The following SCOC variants were observed in gnomAD, a reference collection of about 807,000 sequenced individuals.
The protein encoded by SCOC is short coiled-coil protein.
A neutral mutation model predicts 9.9 loss-of-function variants in SCOC; 7 were observed. The observed-to-expected ratio is 0.71, with a 90% confidence interval of 0.40 to 1.33. The LOEUF (loss-of-function observed/expected upper bound fraction) is 1.33. SCOC is among the 40% of genes most tolerant of loss of function. The probability of loss-of-function intolerance (pLI) is 0.01; values close to 1 mark genes in which losing one functional copy is unlikely to be tolerated. For missense variants in SCOC, 66 were observed against 89.7 expected (o/e 0.74, Z 1.07); for synonymous variants, 19 against 28.2 (o/e 0.67, Z 1.03).
intron 2 of SCOC, among the ~76,000 whole-genome samples, chr4:140,355,222 T>TATATATG (rs1553940399): frequency 9.3e-4 from 31 of 33,336 alleles, no homozygotes; most frequent in African/African-American, 1.9e-3. Context: ...TATATATATA[T>TATATATG]ATATATATAT....
intron 1 of SCOC, among the ~76,000 whole-genome samples, chr4:140,265,101 T>A (rs1391614182): frequency 2.0e-5 from 3 of 152,212 alleles, no homozygotes; most frequent in African/African-American, 2.4e-5. Flanking sequence ...TTGTGTTGAT[T>A]TCTTCTTGAA....
rs1379206073 is a variant in SCOC, at chr4:140,373,667, G to A, written c.-101G>A. ...CGGGGTCAGTTGGTCCAAGTGTCCC[G>A]GCCTGAGGTGTCGGCCGGATCCCTC... On this transcript the variant is annotated 5_prime_UTR_variant, in exon 1 of 4. Coordinates refer to ENST00000608372, the MANE Select transcript of SCOC (RefSeq NM_001153484.2). 1.9e-6 allele frequency: 3 copies of A among 1,551,226 alleles called. No individual in the cohort carries two copies. The highest frequency in any genetic ancestry group is 1.2e-5 in the South Asian group (1 of 84,044).
rs548458568 is a variant in SCOC, at chr4:140,348,207, A to T, written c.70+4499A>T. On this transcript the variant is annotated intron_variant, in intron 2 of 4. Coordinates refer to the SCOC transcript ENST00000338517. ...TCTTTGAAATATTTAAGTATACAAT[A>T]TATTGTTTTTAACTATAGTTGCCGT... 5.9e-5 allele frequency among the ~76,000 whole-genome samples: 9 copies of T among 152,254 alleles called. No homozygotes were observed. In the South Asian group the frequency reaches 1.2e-3, roughly 21 times the overall value.
At position 140,385,645 on chromosome 4, in the gene SCOC, G is replaced by A. The variant is rs1728670076; in HGVS notation, c.*4541G>A. 1 of 152,080 alleles carries A rather than the reference G, an allele frequency of 6.6e-6. No individual in the cohort carries two copies. The highest frequency in any genetic ancestry group is 1.5e-5 in the Non-Finnish European group (1 of 68,026). The allele number at this position is 152,080 out of a possible 1,614,324, so 9.4% of individuals were successfully genotyped here. ...AATTATAAAATCTAAAATTAATTTT[G>A]TGGTCCAAAGAAAAGCAAAATAGAT... On this transcript the variant is annotated 3_prime_UTR_variant, in exon 4 of 4. Coordinates refer to ENST00000608372, the MANE Select transcript of SCOC (RefSeq NM_001153484.2).
intron 1 of SCOC, among the ~76,000 whole-genome samples, chr4:140,287,757 C>G (rs1731338500): frequency 6.6e-6 from 1 of 152,064 alleles, no homozygotes; most frequent in Admixed American, 6.5e-5. Flanking sequence ...ACAAACCACA[C>G]TCATGTGCAT....
At chr4:140,367,128 C>T (rs1727837158) in intron 2 of SCOC, among the ~76,000 whole-genome samples, 1 of 151,922 alleles carries the variant, frequency 6.6e-6, no homozygotes, top group Non-Finnish European at 1.5e-5. Context: ...TCACTTGAAC[C>T]TGGGAGGTGC....
At chr4:140,376,317 AT>A (rs1728341063) in intron 1 of SCOC, 1 of 152,352 alleles carries the variant, frequency 6.6e-6, no homozygotes, top group East Asian at 1.9e-4. Flanking sequence ...CAATAGTAGC[AT>A]TTTGAGATGG....
At chr4:140,327,836 G>A (rs1732693488) in intron 1 of SCOC, among the ~76,000 whole-genome samples, 1 of 152,082 alleles carries the variant, frequency 6.6e-6, no homozygotes, top group African/African-American at 2.4e-5. Context: ...GGCAAGTTTG[G>A]GGCTGGACTA....
At chr4:140,267,361 G>A (rs958312427) in intron 1 of SCOC, among the ~76,000 whole-genome samples, 4 of 152,184 alleles carry the variant, frequency 2.6e-5, no homozygotes, top group Admixed American at 6.5e-5. Context: ...ACGTGAGCTA[G>A]GGGTGGATGT....
At chr4:140,313,376 T>TG in intron 1 of SCOC, among the ~76,000 whole-genome samples, 3 of 152,180 alleles carry the variant, frequency 2.0e-5, no homozygotes, top group Non-Finnish European at 4.4e-5. Context: ...CTCAGCCTCC[T>TG]GAGGAACTGG....
intron 1 of SCOC, among the ~76,000 whole-genome samples, chr4:140,300,543 T>C (rs1731783924): frequency 6.6e-6 from 1 of 152,188 alleles, no homozygotes; most frequent in Non-Finnish European, 1.5e-5. Flanking sequence ...AGAACAGCAC[T>C]GGAGAGAAAG....
chr4:140,326,789 A>G (rs1732662781), intron 1 of SCOC, among the ~76,000 whole-genome samples: 1 of 152,224 alleles, frequency 6.6e-6, no homozygotes, highest in African/African-American at 2.4e-5. Context: ...CTAGGAGACC[A>G]TAACAAAATT....
intron 1 of SCOC, among the ~76,000 whole-genome samples, chr4:140,280,560 T>TC (rs1354278124): frequency 1.3e-5 from 2 of 152,216 alleles, no homozygotes; most frequent in African/African-American, 4.8e-5. Context: ...TACAGAGCAG[T>TC]CCCTCAGTCA....
At chr4:140,345,550 TA>T (rs1726698986) in intron 2 of SCOC, among the ~76,000 whole-genome samples, 1 of 152,182 alleles carries the variant, frequency 6.6e-6, no homozygotes, top group Non-Finnish European at 1.5e-5. Flanking sequence ...CTTTGATAAC[TA>T]AAAATAGGAA....
At chr4:140,344,780 AG>A (rs2126514611) in intron 2 of SCOC, among the ~76,000 whole-genome samples, 1 of 152,346 alleles carries the variant, frequency 6.6e-6, no homozygotes, top group African/African-American at 2.4e-5. Flanking sequence ...AAACAAAGAC[AG>A]GGGAAACCCA....
At chr4:140,328,294 G>A (rs1732710181) in intron 1 of SCOC, among the ~76,000 whole-genome samples, 1 of 152,128 alleles carries the variant, frequency 6.6e-6, no homozygotes, top group Non-Finnish European at 1.5e-5. Flanking sequence ...CCACAGTCCT[G>A]AGCATACAAC....
At chr4:140,278,068 C>A (rs1306681193) in intron 1 of SCOC, among the ~76,000 whole-genome samples, 1 of 152,164 alleles carries the variant, frequency 6.6e-6, no homozygotes, top group Admixed American at 6.5e-5. Flanking sequence ...GTATAGTTGG[C>A]TAAAGGTGTT....
At chr4:140,259,572 C>T (rs1314881013) in intron 1 of SCOC, among the ~76,000 whole-genome samples, 1 of 152,106 alleles carries the variant, frequency 6.6e-6, no homozygotes, top group African/African-American at 2.4e-5. Flanking sequence ...AAAAAGTTAT[C>T]CAGGCATGGT....
intron 1 of SCOC, among the ~76,000 whole-genome samples, chr4:140,328,967 A>G (rs1732730264): frequency 6.6e-6 from 1 of 152,196 alleles, no homozygotes; most frequent in Non-Finnish European, 1.5e-5. Context: ...ATTCATATGG[A>G]ACCAAAAAGA....
Sources: gnomAD v4.1 joint callset for allele counts (sites outside exome capture counted in the v4.1 genomes callset) on GRCh38, gnomAD v4.1.1 for gene constraint, MANE v1.5 for transcripts, NCBI Gene and HGNC (gene_info 2026-07-23, HGNC 2026-07-21) for gene names.